PAM: variants seen among roughly 807,000 people sequenced by gnomAD.
PAM encodes peptidylglycine alpha-amidating monooxygenase, also known as peptidyl-glycine alpha-amidating monooxygenase.
A neutral mutation model predicts 122.1 loss-of-function variants in PAM; 72 were observed. The observed-to-expected ratio is 0.59, with a 90% CI of 0.49 to 0.72. The LOEUF (loss-of-function observed/expected upper bound fraction) is 0.72. Among genes scored for constraint, PAM ranks in the 30% least tolerant of loss-of-function variants. PAM has a pLI of 0.00. For synonymous variants in PAM, 389 were observed against 404.4 expected (o/e 0.96, Z 0.46); for missense variants, 1,106 against 1,183.7 (o/e 0.93, Z 0.96).
chr5:102,800,938 G>A (rs1215463401), intron 1 of PAM, among the ~76,000 whole-genome samples: 2 of 152,068 alleles, frequency 1.3e-5, no homozygotes, highest in East Asian at 1.9e-4. Flanking sequence ...CTCCCAAAGG[G>A]CTAGAATCCA....
intron 3 of PAM, among the ~76,000 whole-genome samples, chr5:102,887,443 T>G (rs986536942): frequency 6.6e-6 from 1 of 151,956 alleles, no homozygotes; most frequent in East Asian, 1.9e-4. Context: ...TGAGCCAACC[T>G]TTTTTCTTGG....
chr5:102,960,143 T>C (rs931634969), intron 13 of PAM, 84 bp downstream of exon 13: 1 of 734,560 alleles, frequency 1.4e-6, no homozygotes, highest in Non-Finnish European at 2.2e-6. Context: ...ATATTTAAAA[T>C]CATCTTTATT....
chr5:103,020,713 T>G (rs996792826), intron 23 of PAM, among the ~76,000 whole-genome samples: 6 of 152,142 alleles, frequency 3.9e-5, no homozygotes, highest in African/African-American at 1.4e-4. Flanking sequence ...ACCTAGACAT[T>G]CAGACACAAA....
chr5:103,007,296 TA>T (rs990566278), intron 19 of PAM, among the ~76,000 whole-genome samples, 160 bp from the exon 20 acceptor site: 37 of 152,248 alleles, frequency 2.4e-4, no homozygotes, highest in African/African-American at 8.7e-4. Context: ...TATTTGTGGA[TA>T]AAAGACATTA....
chr5:103,025,351 C>G lies in PAM; in HGVS notation c.2689+17C>G. On this transcript the variant is annotated intron_variant, in intron 24 of 25. Transcript: ENST00000438793. ...CCTTTGGAGGCAAGTAAAATGAGCC[C>G]CGTGAACTTGGAACCTGCCTTTGAA... 6.2e-7 allele frequency: 1 copy of G among 1,604,080 alleles called. No homozygotes were observed. Among genetic ancestry groups the G allele is most frequent in the Non-Finnish European group, 8.5e-7 (1 of 1,171,104 alleles).
intron 15 of PAM, among the ~76,000 whole-genome samples, chr5:102,976,018 T>C (rs951936115): frequency 6.6e-6 from 1 of 152,126 alleles, no homozygotes; most frequent in Non-Finnish European, 1.5e-5. Flanking sequence ...TTGGCAAATA[T>C]CCTCATACTT....
chr5:102,833,568 G>A (rs1163663251), intron 1 of PAM, among the ~76,000 whole-genome samples: 1 of 152,134 alleles, frequency 6.6e-6, no homozygotes, highest in African/African-American at 2.4e-5. Context: ...AGATAAAATA[G>A]CATAAAAGTA....
intron 1 of PAM, among the ~76,000 whole-genome samples, chr5:102,819,137 A>C (rs562158394): frequency 2.0e-5 from 3 of 152,168 alleles, no homozygotes; most frequent in Non-Finnish European, 4.4e-5. Flanking sequence ...CTTTGCAGTC[A>C]AACAGATCCT....
intron 1 of PAM, among the ~76,000 whole-genome samples, chr5:102,841,738 A>G (rs1436156601): frequency 1.3e-5 from 2 of 152,226 alleles, no homozygotes; most frequent in African/African-American, 2.4e-5. Flanking sequence ...ACTCGAAAAT[A>G]TAGATTCATT....
chr5:102,967,446 T>C (rs2150342071), intron 14 of PAM, among the ~76,000 whole-genome samples: 1 of 152,340 alleles, frequency 6.6e-6, no homozygotes, highest in South Asian at 2.1e-4. Flanking sequence ...TCTCTGCTAA[T>C]GCAGATGCAA....
chr5:102,983,202 T>C (rs766337547), intron 15 of PAM, among the ~76,000 whole-genome samples: 18 of 152,006 alleles, frequency 1.2e-4, no homozygotes, highest in Non-Finnish European at 2.1e-4. Context: ...TCCCACAGTT[T>C]GGGAGGCTGA....
chr5:102,843,283 G>A (rs1206479961), intron 1 of PAM, among the ~76,000 whole-genome samples: 17 of 152,096 alleles, frequency 1.1e-4, no homozygotes, highest in Non-Finnish European at 2.4e-4. Context: ...ATTAAATTGA[G>A]ACTACGTCTT....
At chr5:102,900,253 G>T (rs1251509037) in intron 3 of PAM, among the ~76,000 whole-genome samples, 5 of 120,660 alleles carry the variant, frequency 4.1e-5, no homozygotes, top group African/African-American at 9.8e-5. Flanking sequence ...ATGTGTGTGT[G>T]TGGGGGGGGG....
intron 1 of PAM, among the ~76,000 whole-genome samples, chr5:102,768,546 T>C (rs1464421816): frequency 1.3e-5 from 2 of 152,146 alleles, no homozygotes; most frequent in Non-Finnish European, 2.9e-5. Context: ...ATGAGTTCAA[T>C]TGTTTGTATT....
At chr5:102,819,006 A>G (rs777305222) in intron 1 of PAM, among the ~76,000 whole-genome samples, 2 of 152,180 alleles carry the variant, frequency 1.3e-5, no homozygotes, top group Non-Finnish European at 2.9e-5. Flanking sequence ...CTTGATGCCA[A>G]AATATTTGAT....
rs538889680 is a variant in PAM at position 102,803,757 on chromosome 5, T to C, written c.-374+48409T>C. Among the ~76,000 whole-genome samples, 79 of 152,348 alleles carry C rather than the reference T, an allele frequency of 5.2e-4. 1 individual carries two copies. The highest frequency in any genetic ancestry group is 1.0e-3 in the Non-Finnish European group (69 of 68,032). On this transcript the variant is annotated intron_variant, in intron 1 of 25. Coordinates refer to ENST00000438793, the MANE Select transcript of PAM (RefSeq NM_001177306.2). ...TATAATAAATTTTGTATTTATTTAT[T>C]GAATAAGTATTTATTGAGGGAATGC...
intron 1 of PAM, among the ~76,000 whole-genome samples, chr5:102,856,693 A>G (rs562792794): frequency 2.0e-5 from 3 of 152,302 alleles, no homozygotes; most frequent in East Asian, 1.9e-4. Context: ...TGATCATGGA[A>G]ACAAAAAATA....
intron 20 of PAM, among the ~76,000 whole-genome samples, chr5:103,008,290 A>T (rs1236738889): frequency 6.6e-6 from 1 of 151,974 alleles, no homozygotes; most frequent in Non-Finnish European, 1.5e-5. Flanking sequence ...TACAATTACA[A>T]TTTTTTTAAA....
Position 103,003,055 on chromosome 5 carries a change from T to G in PAM, c.1636T>G (p.Tyr546Asp). 1 of 1,594,158 alleles carries G rather than the reference T, an allele frequency of 6.3e-7. No individual in the cohort carries two copies. The highest frequency in any genetic ancestry group is 8.6e-7 in the Non-Finnish European group (1 of 1,162,112). The change falls in exon 17 of 26, where the codon TAC becomes GAC. Residue 546 changes from tyrosine to aspartate, a missense_variant. Physicochemically the swap from Tyr to Asp is radical, Grantham distance 160 (BLOSUM62 -3). Around this residue, in one of 3 missense-constraint regions of PAM, gnomAD observed 670 missense variants for 690.3 expected, o/e 0.97. Transcript: ENST00000438793. ...TAGCTCGTTTGACAGCAAGTTTGTTTACCAGCAAATAGGACTCGGACCAAT... is the reference window on the plus strand; with the variant it reads ...TAGCTCGTTTGACAGCAAGTTTGTTGACCAGCAAATAGGACTCGGACCAAT... ...DGNSFDSKFV[Y>D]QQIGLGPIEE...
Sources: allele counts gnomAD v4.1 joint callset (sites outside exome capture counted in the v4.1 genomes callset), GRCh38; gene constraint gnomAD v4.1.1; regional missense constraint gnomAD v4.1.1; transcripts MANE v1.5; gene names NCBI Gene and HGNC (gene_info 2026-07-23, HGNC 2026-07-21).